Variants in ATP8A2 observed in about 807,000 individuals in gnomAD.
The protein encoded by ATP8A2 is phospholipid-transporting ATPase IB.
Under a neutral mutation model 165.6 loss-of-function variants are expected in ATP8A2, and 100 were observed. That is an observed-to-expected ratio of 0.60 (90% confidence interval 0.51 to 0.71). The LOEUF is 0.71. ATP8A2 is among the 30% of genes least tolerant of loss of function. The pLI, the probability that ATP8A2 is intolerant of heterozygous loss-of-function variation, is 0.00. For missense variants in ATP8A2, 1,227 were observed against 1,479.5 expected, an observed-to-expected ratio of 0.83 and a Z score of 2.80; for synonymous variants, 543 against 548.8, an observed-to-expected ratio of 0.99 and a Z score of 0.15.
At chr13:25,924,394 T>C (rs77835885) in intron 33 of ATP8A2, among the ~76,000 whole-genome samples, 1 of 152,228 alleles carries the variant, frequency 6.6e-6, no homozygotes, top group East Asian at 1.9e-4. Context: ...CTAACTTCTG[T>C]TTTTTTGGCA....
At chr13:25,452,776 T>C (rs2035262824) in intron 1 of ATP8A2, among the ~76,000 whole-genome samples, 2 of 152,132 alleles carry the variant, frequency 1.3e-5, no homozygotes, top group African/African-American at 4.8e-5. Context: ...TTTTAAAAAC[T>C]TAATAGGAAA....
intron 24 of ATP8A2, among the ~76,000 whole-genome samples, chr13:25,688,697 G>A (rs1193223846): frequency 6.6e-6 from 1 of 152,186 alleles, no homozygotes; most frequent in Non-Finnish European, 1.5e-5. Flanking sequence ...ACTCCCCAGC[G>A]CCTGCTGATT....
At chr13:25,403,083 A>T (rs2033689485) in intron 1 of ATP8A2, among the ~76,000 whole-genome samples, 1 of 152,126 alleles carries the variant, frequency 6.6e-6, no homozygotes, top group South Asian at 2.1e-4. Flanking sequence ...TACAGGCCCC[A>T]CCTTTTAATA....
chr13:25,794,028 C>T (rs1950446100), intron 27 of ATP8A2, among the ~76,000 whole-genome samples: 1 of 152,156 alleles, frequency 6.6e-6, no homozygotes, highest in South Asian at 2.1e-4. Context: ...AATACATCAT[C>T]CCTACCTCTT....
At chr13:26,014,013 G>A (rs1956908362) in intron 36 of ATP8A2, among the ~76,000 whole-genome samples, 1 of 152,200 alleles carries the variant, frequency 6.6e-6, no homozygotes, top group South Asian at 2.1e-4. Context: ...GCCCAGCATT[G>A]CTCAGTGGCA....
intron 33 of ATP8A2, among the ~76,000 whole-genome samples, chr13:25,926,827 C>T (rs1954619935): frequency 6.6e-6 from 1 of 152,092 alleles, no homozygotes; most frequent in Non-Finnish European, 1.5e-5. Flanking sequence ...TAGCAAGAGC[C>T]CATCTCTACA....
chr13:25,854,973 G>A (rs902216411), intron 30 of ATP8A2, among the ~76,000 whole-genome samples: 15 of 152,126 alleles, frequency 9.9e-5, no homozygotes, highest in African/African-American at 2.6e-4. Context: ...ACTCCTGGCC[G>A]GGCACGGTGG....
At chr13:25,581,766 T>C (rs1002276566) in intron 22 of ATP8A2, 53 bp from the exon 23 acceptor site, 1 of 1,530,664 alleles carries the variant, frequency 6.5e-7, no homozygotes, top group African/African-American at 1.4e-5. Context: ...AATTTGTTAG[T>C]GCTGTTCTTA....
At chr13:25,677,716 AG>A (rs939096175) in intron 24 of ATP8A2, among the ~76,000 whole-genome samples, 1 of 152,210 alleles carries the variant, frequency 6.6e-6, no homozygotes, top group African/African-American at 2.4e-5. Context: ...AGTTTTCTAT[AG>A]GGGACTGTCT....
intron 33 of ATP8A2, among the ~76,000 whole-genome samples, chr13:25,868,846 G>A (rs558300074): frequency 9.2e-5 from 14 of 152,072 alleles, no homozygotes; most frequent in African/African-American, 2.7e-4. Flanking sequence ...TGGGTGGGCG[G>A]ATCACAAGTT....
rs2099224172 is a variant in ATP8A2 at position 25,942,029 on chromosome 13, C to G, written c.3184-19546C>G. Among the ~76,000 whole-genome samples, 7 of 152,258 alleles carry G rather than the reference C, an allele frequency of 4.6e-5. No homozygotes were observed. In the South Asian group the frequency reaches 8.3e-4, roughly 18 times the overall value. On this transcript the variant is annotated intron_variant, in intron 33 of 36. Coordinates refer to ENST00000381655, the MANE Select transcript of ATP8A2 (RefSeq NM_016529.6). The stretch of plus-strand genomic sequence containing the variant: ...AATATTAACAATACACAGTGCTAAT[C>G]ATGCAGGGTTTTGAAACTTTAAATA...
intron 32 of ATP8A2, among the ~76,000 whole-genome samples, chr13:25,861,416 C>T (rs889460549): frequency 1.3e-5 from 2 of 152,182 alleles, no homozygotes; most frequent in African/African-American, 4.8e-5. Context: ...AGATGTCCCA[C>T]CATTTACTTC....
chr13:25,668,583 A>C (rs1387297478), intron 24 of ATP8A2, among the ~76,000 whole-genome samples: 2 of 151,948 alleles, frequency 1.3e-5, no homozygotes, highest in African/African-American at 2.4e-5. Flanking sequence ...CAAATTTGGG[A>C]GTTTTCAGTT....
At chr13:25,594,579 TC>T (rs946720371) in intron 24 of ATP8A2, among the ~76,000 whole-genome samples, 1 of 152,088 alleles carries the variant, frequency 6.6e-6, no homozygotes, top group African/African-American at 2.4e-5. Flanking sequence ...TCCCACCCTT[TC>T]CCCCAAGTCC....
At chr13:25,907,328 G>A in intron 33 of ATP8A2, among the ~76,000 whole-genome samples, 1 of 152,046 alleles carries the variant, frequency 6.6e-6, no homozygotes, top group Non-Finnish European at 1.5e-5. Context: ...CTCCAGCCTG[G>A]CAGGAGAGCG....
At chr13:25,993,934 G>A (rs542098781) in intron 35 of ATP8A2, among the ~76,000 whole-genome samples, 3 of 152,082 alleles carry the variant, frequency 2.0e-5, no homozygotes, top group Admixed American at 6.5e-5. Context: ...GAGAATTAAC[G>A]TCTTTACTAT....
At chr13:25,985,928 T>C (rs1956273412) in intron 35 of ATP8A2, among the ~76,000 whole-genome samples, 1 of 152,238 alleles carries the variant, frequency 6.6e-6, no homozygotes, top group Admixed American at 6.5e-5. Context: ...GAAATGGATG[T>C]TGGAGAGAAT....
At chr13:25,427,050 G>A (rs114352547) in intron 1 of ATP8A2, among the ~76,000 whole-genome samples, 1 of 152,142 alleles carries the variant, frequency 6.6e-6, no homozygotes, top group Non-Finnish European at 1.5e-5. Flanking sequence ...AAAGCCAGAG[G>A]GGGTGTGAGA....
chr13:25,843,035 T>C (rs1951781048), intron 30 of ATP8A2, among the ~76,000 whole-genome samples: 1 of 134,886 alleles, frequency 7.4e-6, no homozygotes, highest in South Asian at 2.3e-4. Flanking sequence ...GAGATTGTGG[T>C]GTATCTACAA....
Sources: allele counts gnomAD v4.1 joint callset (sites outside exome capture counted in the v4.1 genomes callset), GRCh38; gene constraint gnomAD v4.1.1; transcripts MANE v1.5; gene names NCBI Gene and HGNC (gene_info 2026-07-23, HGNC 2026-07-21).